AK3: variants seen among roughly 807,000 people sequenced by gnomAD.
AK3 encodes the protein adenylate kinase 3, also known as GTP:AMP phosphotransferase AK3, mitochondrial.
Under a neutral mutation model 23.7 loss-of-function variants are expected in AK3, and 27 were observed. The observed-to-expected ratio is 1.14, with a 90% CI of 0.84 to 1.57. AK3 has a LOEUF of 1.57. AK3 is among the 40% of genes most tolerant of loss of function. AK3 has a pLI of 0.00. For missense variants in AK3, 406 were observed against 285.6 expected, an observed-to-expected ratio of 1.42 and a Z score of -3.04; for synonymous variants, 159 against 116.0, an observed-to-expected ratio of 1.37 and a Z score of -2.38.
chr9:4,713,243 G>T, intron 4 of AK3, 147 bp from the exon 5 acceptor site: 1 of 1,089,232 alleles, frequency 9.2e-7, no homozygotes, highest in Non-Finnish European at 1.3e-6. Context: ...AAAGGCACTT[G>T]GCTGGGCATT....
rs185342728 is a variant in AK3 at position 4,738,507 on chromosome 9, C to T, written c.151+2430G>A. ...GACTGCTTAATGATGTGTGAACATG[C>T]TCACTATAAATGAGAATAAAAAAGT... On this transcript the variant is annotated intron_variant, in intron 1 of 4. Transcript: ENST00000381809. Among the ~76,000 whole-genome samples, 888 of 151,834 alleles carry T rather than the reference C, an allele frequency of 5.8e-3. 11 individuals are homozygous for T. Among genetic ancestry groups the T allele is most frequent in the African/African-American group, 0.02 (846 of 41,396 alleles).
At chr9:4,728,890 T>C (rs28848001) in intron 1 of AK3, among the ~76,000 whole-genome samples, 74 of 98,730 alleles carry the variant, frequency 7.5e-4, no homozygotes, top group African/African-American at 1.9e-3. Flanking sequence ...CACATACATA[T>C]ATATACACAT....
intron 4 of AK3, 69 bp downstream of exon 4, chr9:4,718,350 A>G (rs1841792455): frequency 8.6e-7 from 1 of 1,156,950 alleles, no homozygotes; most frequent in Non-Finnish European, 1.3e-6. Flanking sequence ...TCAGCTGTAG[A>G]GGAAGGAAAA....
chr9:4,740,308 G>C (rs138692314), intron 1 of AK3, among the ~76,000 whole-genome samples: 283 of 152,202 alleles, frequency 1.9e-3, no homozygotes, highest in African/African-American at 6.5e-3. Context: ...CGAGCTGTAA[G>C]AATTTATTTG....
chr9:4,722,731 T>C (rs1048506737), intron 1 of AK3, 106 bp from the exon 2 acceptor site: 2 of 1,485,034 alleles, frequency 1.3e-6, no homozygotes, highest in East Asian at 4.6e-5. Flanking sequence ...CATACTCATC[T>C]GAAAATGTGC....
At chr9:4,735,266 T>TATATATACATATATAAATATATATATAC (rs1563798206) in intron 1 of AK3, among the ~76,000 whole-genome samples, 5 of 13,272 alleles carry the variant, frequency 3.8e-4, no homozygotes, top group East Asian at 2.3e-3. Flanking sequence ...TATATAAATA[T>TATATATACATATATAAATATATATATAC]ATATATAAAT....
At chr9:4,713,537 T>A (rs1417336536) in intron 4 of AK3, among the ~76,000 whole-genome samples, 1 of 152,000 alleles carries the variant, frequency 6.6e-6, no homozygotes, top group African/African-American at 2.4e-5. Context: ...CCCATCAGCC[T>A]TTTTTTTCTA....
At position 4,712,502 on chromosome 9, in the gene AK3, C is replaced by T. The variant is rs1163907430; in HGVS notation, c.*474G>A. ...ATAAATCTGTAAATCCAGTTGCTTT[C>T]TTTCTGGAATTTTATATAGTGTCTC... On this transcript the variant is annotated 3_prime_UTR_variant, in exon 5 of 5. Coordinates refer to ENST00000381809, the MANE Select transcript of AK3 (RefSeq NM_016282.4). 1.3e-5 allele frequency: 2 copies of T among 152,314 alleles called. No individual in the cohort carries two copies. The highest frequency in any genetic ancestry group is 2.9e-5 in the Non-Finnish European group (2 of 68,148). The allele number at this position is 152,314 out of a possible 1,614,324, so 9.4% of individuals were successfully genotyped here. A position where few individuals can be genotyped will look rare whatever the true frequency, so the allele number is the denominator to read the frequency against.
intron 1 of AK3, among the ~76,000 whole-genome samples, chr9:4,736,151 T>C (rs1021285278): frequency 8.6e-5 from 13 of 151,752 alleles, no homozygotes; most frequent in African/African-American, 2.4e-4. Flanking sequence ...TTTGGTGATG[T>C]CTGCACAACT....
At chr9:4,730,847 T>A (rs988376538) in intron 1 of AK3, among the ~76,000 whole-genome samples, 1 of 152,222 alleles carries the variant, frequency 6.6e-6, no homozygotes, top group African/African-American at 2.4e-5. Context: ...AAATATATTA[T>A]CTTGTATATA....
Position 4,729,733 on chromosome 9 carries a change from G to C in AK3, c.152-7108C>G, listed in dbSNP as rs1285487139. 2.2e-4 allele frequency among the ~76,000 whole-genome samples: 34 copies of C among 151,918 alleles called. No homozygotes were observed. The East Asian group carries it at 5.8e-3, about 26-fold the overall frequency. On this transcript the variant is annotated intron_variant, in intron 1 of 4. Coordinates refer to ENST00000381809, the MANE Select transcript of AK3 (RefSeq NM_016282.4). The stretch of plus-strand genomic sequence containing the variant: ...TCCCAGCTACTTGGGAGGCTCAGGT[G>C]GGAGTATCACTTGGGTGCAGGAGTT...
At position 4,710,319 on chromosome 9, in the gene AK3, T is replaced by C. The variant is rs989532247; in HGVS notation, c.*2657A>G. 1.3e-5 allele frequency: 2 copies of C among 151,478 alleles called. No homozygotes were observed. The highest frequency in any genetic ancestry group is 2.1e-4 in the South Asian group (1 of 4,810). 9.4% of individuals were successfully genotyped at this position (151,478 alleles called of 1,614,324 possible). ...GCCTCCCGGATTCACACCATTCTCC[T>C]GCCTCAACCTCCCGAGTAGCTGGGA... is the stretch of plus-strand genomic sequence containing the variant. On this transcript the variant is annotated 3_prime_UTR_variant, in exon 5 of 5. Transcript: ENST00000381809.
At chr9:4,740,441 G>A (rs1842401198) in intron 1 of AK3, among the ~76,000 whole-genome samples, 1 of 152,134 alleles carries the variant, frequency 6.6e-6, no homozygotes, top group East Asian at 1.9e-4. Flanking sequence ...ACTTGGCCTT[G>A]GGAATATGGG....
intron 4 of AK3, among the ~76,000 whole-genome samples, chr9:4,717,237 T>A (rs1841760963): frequency 6.6e-6 from 1 of 152,148 alleles, no homozygotes; most frequent in Admixed American, 6.6e-5. Context: ...CTGATCAGGA[T>A]CAGTATTCAA....
Position 4,712,881 on chromosome 9 carries a change from T to A in AK3, c.*95A>T. On this transcript the variant is annotated 3_prime_UTR_variant, in exon 5 of 5. Coordinates refer to ENST00000381809, the MANE Select transcript of AK3 (RefSeq NM_016282.4). ...TAAAAGTAATATAATTTTCAAAGAA[T>A]TCATACATACTAGAAGTCTTAGGAA... The A allele has an allele frequency of 7.3e-7, 1 of 1,362,608 alleles. No homozygotes were observed. The highest frequency in any genetic ancestry group is 1.0e-6 in the Non-Finnish European group (1 of 1,003,456). The allele number at this position is 1,362,608 out of a possible 1,614,324, so 84.4% of individuals were successfully genotyped here.
At chr9:4,727,311 T>C (rs1414531413) in intron 1 of AK3, among the ~76,000 whole-genome samples, 3 of 152,234 alleles carry the variant, frequency 2.0e-5, no homozygotes, top group African/African-American at 7.2e-5. Context: ...TGGCATCTTT[T>C]TCCAATAGAA....
chr9:4,734,595 C>G (rs1842227218), intron 1 of AK3, among the ~76,000 whole-genome samples: 1 of 152,150 alleles, frequency 6.6e-6, no homozygotes, highest in African/African-American at 2.4e-5. Flanking sequence ...TTTAAAAGGC[C>G]TAACTTATTT....
chr9:4,731,803 G>A (rs910356218), intron 1 of AK3, among the ~76,000 whole-genome samples: 2 of 152,070 alleles, frequency 1.3e-5, no homozygotes, highest in South Asian at 2.1e-4. Context: ...GATTTGAACC[G>A]CATGGGTCTA....
chr9:4,718,289 T>G, intron 4 of AK3, 130 bp downstream of exon 4: 1 of 699,100 alleles, frequency 1.4e-6, no homozygotes, highest in East Asian at 2.6e-5. Context: ...CTAATGTATT[T>G]CCTTTATTAC....
Sources: gnomAD v4.1 joint callset for allele counts (sites outside exome capture counted in the v4.1 genomes callset) on GRCh38, gnomAD v4.1.1 for gene constraint, MANE v1.5 for transcripts, NCBI Gene and HGNC (gene_info 2026-07-23, HGNC 2026-07-21) for gene names.